Variants in PDE10A observed in about 807,000 individuals in gnomAD.
PDE10A encodes the protein cAMP and cAMP-inhibited cGMP 3',5'-cyclic phosphodiesterase 10A.
A neutral mutation model predicts 97.7 loss-of-function variants in PDE10A; 39 were observed. That is an observed-to-expected ratio of 0.40 (90% CI 0.31 to 0.52). PDE10A has a LOEUF of 0.52. Ranked by LOEUF, PDE10A falls within the 20% of genes least tolerant of loss-of-function variation. The pLI, the probability that PDE10A is intolerant of heterozygous loss-of-function variation, is 0.56. For synonymous variants in PDE10A, 371 were observed against 376.8 expected (o/e 0.98, Z 0.18); for missense variants, 731 against 1,047.8 (o/e 0.70, Z 4.17).
At chr6:165,769,921 C>T (rs1055352181) in intron 1 of PDE10A, among the ~76,000 whole-genome samples, 1 of 152,072 alleles carries the variant, frequency 6.6e-6, no homozygotes, top group African/African-American at 2.4e-5. Flanking sequence ...GATATAAGTA[C>T]CTTATAGCTA....
At chr6:165,694,358 G>A (rs1351499545) in intron 1 of PDE10A, among the ~76,000 whole-genome samples, 6 of 152,252 alleles carry the variant, frequency 3.9e-5, no homozygotes, top group African/African-American at 1.2e-4. Flanking sequence ...AATTAGCACT[G>A]CTGTAACTGA....
intron 1 of PDE10A, among the ~76,000 whole-genome samples, chr6:165,677,300 T>A (rs541244974): frequency 6.6e-6 from 1 of 152,276 alleles, no homozygotes; most frequent in East Asian, 1.9e-4. Flanking sequence ...CAACACCAGC[T>A]CTTCCCTGGG....
intron 1 of PDE10A, among the ~76,000 whole-genome samples, chr6:165,702,612 G>A (rs764707746): frequency 5.3e-5 from 8 of 152,216 alleles, no homozygotes; most frequent in Non-Finnish European, 1.2e-4. Context: ...AACAGTGGCA[G>A]CGGGTGGCCC....
intron 1 of PDE10A, among the ~76,000 whole-genome samples, chr6:165,756,640 ACAAT>A (rs1793123581): frequency 6.6e-6 from 1 of 152,152 alleles, no homozygotes; most frequent in African/African-American, 2.4e-5. Context: ...ATGTTGATGG[ACAAT>A]CAGTCTTTGC....
intron 1 of PDE10A, among the ~76,000 whole-genome samples, chr6:165,776,916 A>T (rs1778201260): frequency 6.6e-6 from 1 of 152,206 alleles, no homozygotes; most frequent in Non-Finnish European, 1.5e-5. Flanking sequence ...GCTTTCCAGG[A>T]AGCTTTTCTC....
intron 1 of PDE10A, among the ~76,000 whole-genome samples, chr6:165,619,341 A>C (rs1001529086): frequency 2.7e-5 from 4 of 150,530 alleles, no homozygotes; most frequent in Admixed American, 1.3e-4. Context: ...AGTGTAGTGT[A>C]GTCTAGTGTA....
At chr6:165,617,444 A>C (rs958180847) in intron 1 of PDE10A, among the ~76,000 whole-genome samples, 11 of 152,186 alleles carry the variant, frequency 7.2e-5, no homozygotes, top group African/African-American at 2.4e-4. Context: ...CCCAGGTTCA[A>C]GCGATTCTCC....
chr6:165,633,184 T>C (rs1371170529), intron 1 of PDE10A, among the ~76,000 whole-genome samples: 1 of 152,204 alleles, frequency 6.6e-6, no homozygotes. Flanking sequence ...TAGACATCTA[T>C]AAGATGTAGA....
At position 165,482,327 on chromosome 6, in the gene PDE10A, C is replaced by A; in HGVS notation, c.1011G>T (p.Lys337Asn). 1 of 1,601,092 alleles carries A rather than the reference C, an allele frequency of 6.2e-7. No homozygotes were observed. The highest frequency in any genetic ancestry group is 1.1e-5 in the South Asian group (1 of 90,832). The change falls in exon 3 of 22, where the codon AAG becomes AAT. Residue 337 changes from lysine (K) to asparagine (N), a missense_variant. Around this residue, in one of 8 missense-constraint regions of PDE10A, gnomAD observed 181 missense variants for 159.1 expected, o/e 1.14. Coordinates refer to ENST00000539869, the MANE Select transcript of PDE10A (RefSeq NM_001385079.1). The stretch of plus-strand genomic sequence containing the variant: ...TCACATCACTTACCCTGCTGACTTC[C>A]TTAGGAGCTGATTCATCTGGGGATA... ...NNKSEDESAPKEVSRYQDTNM... is the reference protein window; with the variant it reads ...NNKSEDESAPNEVSRYQDTNM...
chr6:165,750,062 G>A (rs568000273), intron 1 of PDE10A, among the ~76,000 whole-genome samples: 16 of 152,298 alleles, frequency 1.1e-4, no homozygotes, highest in African/African-American at 3.8e-4. Context: ...GGTATGTGAG[G>A]CCTGCTGATA....
At chr6:165,735,187 C>T (rs570138907) in intron 1 of PDE10A, among the ~76,000 whole-genome samples, 1 of 146,516 alleles carries the variant, frequency 6.8e-6, no homozygotes, top group South Asian at 2.2e-4. Context: ...AGATCAGTTG[C>T]TAGGTAGGTA....
At chr6:165,904,929 TTTGAG>T (rs1397376150) in intron 1 of PDE10A, among the ~76,000 whole-genome samples, 1 of 152,238 alleles carries the variant, frequency 6.6e-6, no homozygotes, top group Non-Finnish European at 1.5e-5. Context: ...AATTAATAGA[TTTGAG>T]TTTTCTTTGT....
intron 1 of PDE10A, among the ~76,000 whole-genome samples, chr6:165,604,670 C>T (rs1443150941): frequency 1.3e-5 from 2 of 152,200 alleles, no homozygotes; most frequent in Admixed American, 6.5e-5. Context: ...TCCTTTTACA[C>T]TAAGGCGTAA....
chr6:165,780,771 C>G (rs1179221448), intron 1 of PDE10A: 3 of 152,302 alleles, frequency 2.0e-5, no homozygotes, highest in African/African-American at 7.2e-5. Context: ...TGAGGTCTCA[C>G]CCTCTCAACG....
intron 1 of PDE10A, among the ~76,000 whole-genome samples, chr6:165,907,292 ATC>A (rs1333533044): frequency 5.3e-5 from 8 of 152,160 alleles, no homozygotes; most frequent in Non-Finnish European, 1.2e-4. Flanking sequence ...CCATCACCAC[ATC>A]TCTTTCCCCA....
rs1790642337 is a variant in PDE10A at position 165,671,330 on chromosome 6, A to G, written c.-614-127762T>C. 6.6e-6 allele frequency among the ~76,000 whole-genome samples: 1 copy of G among 152,150 alleles called. No individual in the cohort carries two copies. The highest frequency in any genetic ancestry group is 2.4e-5 in the African/African-American group (1 of 41,442). ...GGTAATTTTATTATTTTGGGAATAT[A>G]GTAAGCACAACGACCCATGAGTGAT... On this transcript the variant is annotated intron_variant, in intron 1 of 19. Coordinates refer to the PDE10A transcript ENST00000366882. The surrounding 1 kb of genome is among the most constrained non-coding windows in gnomAD (Gnocchi z 4.6).
intron 1 of PDE10A, among the ~76,000 whole-genome samples, chr6:165,886,446 G>T (rs1299724117): frequency 6.6e-6 from 1 of 152,264 alleles, no homozygotes; most frequent in Non-Finnish European, 1.5e-5. Flanking sequence ...CAAAGTGCTT[G>T]CTGCTCCTGA....
chr6:165,894,325 A>C (rs1179466009), intron 1 of PDE10A: 1 of 456,140 alleles, frequency 2.2e-6, no homozygotes, highest in Non-Finnish European at 4.4e-6. Context: ...TTTATGAGAC[A>C]GCGCTAACGC....
At chr6:165,694,409 G>C (rs943847142) in intron 1 of PDE10A, among the ~76,000 whole-genome samples, 1 of 152,222 alleles carries the variant, frequency 6.6e-6, no homozygotes. Context: ...AGACAAGGAC[G>C]AACCATTTGG....
Sources: allele counts gnomAD v4.1 joint callset (sites outside exome capture counted in the v4.1 genomes callset), GRCh38; gene constraint gnomAD v4.1.1; regional missense constraint gnomAD v4.1.1; non-coding constraint Gnocchi (gnomAD v3.1); transcripts MANE v1.5; gene names NCBI Gene and HGNC (gene_info 2026-07-23, HGNC 2026-07-21).